Variants in MCTP1 observed in about 807,000 individuals in gnomAD.
MCTP1 encodes the protein multiple C2 and transmembrane domain-containing protein 1.
MCTP1 carries 69 observed loss-of-function variants against 120.6 expected under a neutral mutation model. The ratio of observed to expected loss-of-function variants is 0.57; its 90% confidence interval spans 0.47 to 0.70. The LOEUF (loss-of-function observed/expected upper bound fraction) is 0.70. Among genes scored for constraint, MCTP1 ranks in the 30% least tolerant of loss-of-function variants. The probability of loss-of-function intolerance (pLI) is 0.00; values close to 1 mark genes in which losing one functional copy is unlikely to be tolerated. For synonymous variants in MCTP1, 529 were observed against 493.1 expected (o/e 1.07, Z -0.96); for missense variants, 1,203 against 1,248.8 (o/e 0.96, Z 0.55).
At chr5:95,160,978 T>C (rs976567905) in intron 1 of MCTP1, among the ~76,000 whole-genome samples, 1 of 152,180 alleles carries the variant, frequency 6.6e-6, no homozygotes, top group Non-Finnish European at 1.5e-5. Context: ...AGGGAACTCT[T>C]GTGAACTGTT....
chr5:94,966,843 A>G (rs35067093), intron 2 of MCTP1, among the ~76,000 whole-genome samples: 56,905 of 151,332 alleles, frequency 0.38, 10,850 homozygotes, highest in Middle Eastern at 0.43. Context: ...CCCAAACTCA[A>G]TCTCAAATCT....
intron 1 of MCTP1, among the ~76,000 whole-genome samples, chr5:95,252,875 T>C (rs1757512301): frequency 6.6e-6 from 1 of 152,140 alleles, no homozygotes; most frequent in African/African-American, 2.4e-5. Context: ...CCCCATACTG[T>C]CAATGGAACT....
chr5:95,238,912 C>G (rs1030148778), intron 1 of MCTP1, among the ~76,000 whole-genome samples: 3 of 152,134 alleles, frequency 2.0e-5, no homozygotes, highest in Non-Finnish European at 2.9e-5. Flanking sequence ...ATCTCAATTC[C>G]CTTGTATTCT....
chr5:95,176,627 T>C (rs1748014921), intron 1 of MCTP1, among the ~76,000 whole-genome samples: 1 of 152,024 alleles, frequency 6.6e-6, no homozygotes, highest in Non-Finnish European at 1.5e-5. Context: ...GAGGATAGAT[T>C]TTGTGAGTCC....
intron 17 of MCTP1, among the ~76,000 whole-genome samples, chr5:94,803,725 T>C (rs924751075): frequency 6.6e-6 from 1 of 152,178 alleles, no homozygotes; most frequent in Non-Finnish European, 1.5e-5. Flanking sequence ...ATAAGAGCTA[T>C]GCTAAAGAAG....
chr5:95,057,227 C>G (rs750833282), intron 1 of MCTP1, among the ~76,000 whole-genome samples: 6 of 152,116 alleles, frequency 3.9e-5, no homozygotes, highest in Middle Eastern at 3.4e-3. Flanking sequence ...ATTAACATAA[C>G]TACCATCCAA....
chr5:94,813,876 C>T (rs1783943244), intron 17 of MCTP1, among the ~76,000 whole-genome samples: 1 of 152,038 alleles, frequency 6.6e-6, no homozygotes, highest in Non-Finnish European at 1.5e-5. Flanking sequence ...AAAGAAGACA[C>T]TACTGACACA....
At chr5:95,031,622 A>G (rs996003406) in intron 1 of MCTP1, among the ~76,000 whole-genome samples, 7 of 152,222 alleles carry the variant, frequency 4.6e-5, no homozygotes, top group African/African-American at 1.7e-4. Context: ...CTGGTCCTAC[A>G]AGAAATGGTC....
intron 19 of MCTP1, among the ~76,000 whole-genome samples, chr5:94,723,926 A>T (rs1020233453): frequency 6.6e-6 from 1 of 152,076 alleles, no homozygotes; most frequent in Non-Finnish European, 1.5e-5. Context: ...GAGAGAGAGG[A>T]AGACACAAAG....
intron 2 of MCTP1, among the ~76,000 whole-genome samples, chr5:94,965,514 G>C (rs1561938614): frequency 8.5e-6 from 1 of 117,088 alleles, no homozygotes; most frequent in Non-Finnish European, 1.8e-5. Context: ...ATTTTTGTGT[G>C]TGTGGATGGT....
At chr5:95,000,477 G>A (rs923384313) in intron 2 of MCTP1, among the ~76,000 whole-genome samples, 1 of 152,292 alleles carries the variant, frequency 6.6e-6, no homozygotes, top group East Asian at 1.9e-4. Context: ...AATGGGACAA[G>A]ATGTGGAGGT....
In MCTP1 at chr5:94,756,036, G is replaced by A. The variant is rs569068768; in HGVS notation, c.2610+23074C>T. On this transcript the variant is annotated intron_variant, in intron 19 of 22. Coordinates refer to ENST00000515393, the MANE Select transcript of MCTP1 (RefSeq NM_024717.7). Reference sequence around the variant, plus strand: ...ACAATTTTCCTGGGCACCCATGGCCGACAGTGATGCTGCTAATGATTATAA... The same window carrying A: ...ACAATTTTCCTGGGCACCCATGGCCAACAGTGATGCTGCTAATGATTATAA... Among the ~76,000 whole-genome samples the A allele has an allele frequency of 2.1e-4, 32 of 152,228 alleles. No homozygotes were observed. In the South Asian group the frequency reaches 6.4e-3, roughly 31 times the overall value.
intron 1 of MCTP1, among the ~76,000 whole-genome samples, chr5:95,226,422 AAC>A (rs1390338439): frequency 6.6e-6 from 1 of 152,114 alleles, no homozygotes; most frequent in African/African-American, 2.4e-5. Flanking sequence ...AAATGAGCAA[AAC>A]TAAGTGAGCA....
chr5:94,882,445 T>A (rs1322815113), intron 12 of MCTP1, among the ~76,000 whole-genome samples: 1 of 152,170 alleles, frequency 6.6e-6, no homozygotes, highest in Non-Finnish European at 1.5e-5. Flanking sequence ...AAAATCTAGT[T>A]AAATCTAGAT....
rs1289259940 is a variant in MCTP1 at position 95,061,436 on chromosome 5, T to G, written c.721-43952A>C. Reference sequence around the variant, plus strand: ...TTTTTTTTTTTTTTTTTTTTTTTTTTTTTTTTTTTTTTTTTTTGAGACGGA... The same window carrying G: ...TTTTTTTTTTTTTTTTTTTTTTTTTGTTTTTTTTTTTTTTTTTGAGACGGA... On this transcript the variant is annotated intron_variant, in intron 1 of 22. Transcript: ENST00000515393. Among the ~76,000 whole-genome samples the G allele has an allele frequency of 4.8e-4, 32 of 67,266 alleles. 1 individual carries two copies. Among genetic ancestry groups the G allele is most frequent in the East Asian group, 1.9e-3 (5 of 2,592 alleles). 44.1% of individuals were successfully genotyped at this position (67,266 alleles called of 152,430 possible).
intron 1 of MCTP1, chr5:95,081,559 T>G: frequency 6.5e-7 from 1 of 1,528,472 alleles, no homozygotes. Context: ...CTTCACTGAA[T>G]ACCGGCAAAA....
chr5:95,189,971 T>G (rs1209562254), intron 1 of MCTP1, among the ~76,000 whole-genome samples: 1 of 152,116 alleles, frequency 6.6e-6, no homozygotes, highest in Non-Finnish European at 1.5e-5. Context: ...TATTAATTAG[T>G]GGGCTTAATA....
chr5:95,084,041 A>G (rs1003534032), intron 1 of MCTP1, among the ~76,000 whole-genome samples: 1 of 152,180 alleles, frequency 6.6e-6, no homozygotes, highest in Non-Finnish European at 1.5e-5. Context: ...TTTTATATGC[A>G]TATTCACAGA....
intron 1 of MCTP1, among the ~76,000 whole-genome samples, chr5:95,151,631 C>T (rs1347323922): frequency 6.6e-6 from 1 of 152,190 alleles, no homozygotes; most frequent in Non-Finnish European, 1.5e-5. Context: ...TAGTCCCCTA[C>T]CAAGCTGGAC....
Sources: allele counts gnomAD v4.1 joint callset (sites outside exome capture counted in the v4.1 genomes callset), GRCh38; gene constraint gnomAD v4.1.1; transcripts MANE v1.5; gene names NCBI Gene and HGNC (gene_info 2026-07-23, HGNC 2026-07-21).